AP1G1: variants seen among roughly 807,000 people sequenced by gnomAD.
The protein encoded by AP1G1 is AP-1 complex subunit gamma-1.
AP1G1 carries 7 observed loss-of-function variants against 108.3 expected under a neutral mutation model. That is an observed-to-expected ratio of 0.06 (90% confidence interval 0.04 to 0.12). AP1G1 has a LOEUF of 0.12. Ranked by LOEUF, AP1G1 falls within the 10% of genes least tolerant of loss-of-function variation. AP1G1 has a pLI of 1.00. For missense variants in AP1G1, 756 were observed against 1,010.7 expected (o/e 0.75, Z 3.42); for synonymous variants, 379 against 353.5 (o/e 1.07, Z -0.81).
At chr16:71,785,769 C>T (rs967270020) in intron 2 of AP1G1, among the ~76,000 whole-genome samples, 1 of 151,926 alleles carries the variant, frequency 6.6e-6, no homozygotes, top group East Asian at 1.9e-4. Context: ...GTAGTCCCAG[C>T]TACTAGGGAG....
At chr16:71,742,542 G>GT (rs1234941198) in intron 19 of AP1G1, 2 of 152,150 alleles carry the variant, frequency 1.3e-5, no homozygotes, top group African/African-American at 4.8e-5. Flanking sequence ...ATCTTATGGA[G>GT]TAAGTATTAA....
At chr16:71,762,269 A>C (rs1409165423) in intron 9 of AP1G1, among the ~76,000 whole-genome samples, 2 of 152,172 alleles carry the variant, frequency 1.3e-5, no homozygotes, top group Non-Finnish European at 2.9e-5. Context: ...AAAAGGATAA[A>C]AACTGAACAA....
chr16:71,800,656 C>G (rs1341819890), intron 1 of AP1G1, among the ~76,000 whole-genome samples: 1 of 151,626 alleles, frequency 6.6e-6, no homozygotes, highest in African/African-American at 2.4e-5. Flanking sequence ...AGAACATTAG[C>G]CAGGCGTGGT....
chr16:71,808,588 G>A (rs1220533743), intron 1 of AP1G1, 175 bp downstream of exon 1: 1 of 1,289,266 alleles, frequency 7.8e-7, no homozygotes, highest in Admixed American at 2.3e-5. Context: ...TCCAGAAGTC[G>A]GAGCAGCCCC....
intron 2 of AP1G1, among the ~76,000 whole-genome samples, chr16:71,787,475 C>G (rs1035505919): frequency 6.6e-6 from 1 of 152,072 alleles, no homozygotes; most frequent in Non-Finnish European, 1.5e-5. Context: ...AGAGCAAGAC[C>G]CTGCCTCTAA....
In AP1G1 at chr16:71,753,898, C is replaced by A; in HGVS notation, c.1230-11G>T. On this transcript the variant is annotated splice_polypyrimidine_tract_variant and intron_variant, in intron 12 of 22. Coordinates refer to ENST00000299980, the MANE Select transcript of AP1G1 (RefSeq NM_001128.6). ...TTGGAAGGTGCATACCTGAAAAAAA[C>A]AATGGAAAGGGACACTTGGAACCAG... is the stretch of plus-strand genomic sequence containing the variant. 2 of 1,613,252 alleles carry A rather than the reference C, an allele frequency of 1.2e-6. No homozygotes were observed. The highest frequency in any genetic ancestry group is 1.7e-6 in the Non-Finnish European group (2 of 1,179,470).
At chr16:71,789,169 A>C (rs890238496) in intron 2 of AP1G1, 110 bp downstream of exon 2, 93 of 989,234 alleles carry the variant, frequency 9.4e-5, no homozygotes, top group South Asian at 8.2e-4. Context: ...TTCCACAATG[A>C]TCAGACTACA....
intron 2 of AP1G1, among the ~76,000 whole-genome samples, chr16:71,774,799 C>T (rs2031713122): frequency 6.6e-6 from 1 of 152,006 alleles, no homozygotes; most frequent in Non-Finnish European, 1.5e-5. Context: ...CGGCTCACTG[C>T]AACCTCTGCC....
chr16:71,757,735 G>A (rs755799452), intron 11 of AP1G1, among the ~76,000 whole-genome samples: 3 of 152,122 alleles, frequency 2.0e-5, no homozygotes, highest in African/African-American at 4.8e-5. Context: ...AGCTCTTACT[G>A]TTATATATCC....
chr16:71,794,959 A>C (rs2032535557), intron 1 of AP1G1, among the ~76,000 whole-genome samples: 1 of 151,002 alleles, frequency 6.6e-6, no homozygotes, highest in Admixed American at 6.7e-5. Context: ...ATAAGAATAC[A>C]AACTTGATAA....
chr16:71,777,416 G>A (rs144552388), intron 2 of AP1G1, among the ~76,000 whole-genome samples: 181 of 152,250 alleles, frequency 1.2e-3, no homozygotes, highest in Non-Finnish European at 2.0e-3. Flanking sequence ...AACAATGGTA[G>A]AGTGAGGGTG....
At chr16:71,768,936 A>AG (rs1555554359) in intron 6 of AP1G1, among the ~76,000 whole-genome samples, 28 of 121,374 alleles carry the variant, frequency 2.3e-4, no homozygotes, top group South Asian at 4.7e-4. Context: ...AAAAAAAAAA[A>AG]AAAAGAAAAG....
chr16:71,807,473 G>A (rs1489225694), intron 1 of AP1G1, among the ~76,000 whole-genome samples: 1 of 152,178 alleles, frequency 6.6e-6, no homozygotes, highest in Non-Finnish European at 1.5e-5. Context: ...TTTTATTCAA[G>A]CATGCTAGAC....
intron 2 of AP1G1, among the ~76,000 whole-genome samples, chr16:71,784,001 C>T (rs1414738249): frequency 1.3e-5 from 2 of 152,080 alleles, no homozygotes; most frequent in African/African-American, 4.8e-5. Flanking sequence ...CAAAAGGTTA[C>T]ACACACTACA....
chr16:71,785,676 T>G (rs1406376940), intron 2 of AP1G1, among the ~76,000 whole-genome samples: 1 of 148,856 alleles, frequency 6.7e-6, no homozygotes, highest in African/African-American at 2.5e-5. Flanking sequence ...CGAGGTCAGA[T>G]CGAGACCACC....
chr16:71,737,909 G>A (rs1256961298), intron 21 of AP1G1, among the ~76,000 whole-genome samples: 1 of 152,242 alleles, frequency 6.6e-6, no homozygotes, highest in Non-Finnish European at 1.5e-5. Context: ...TCATTTACAT[G>A]TCATCTACAG....
intron 2 of AP1G1, among the ~76,000 whole-genome samples, chr16:71,786,197 C>G (rs943413785): frequency 2.0e-5 from 3 of 152,056 alleles, no homozygotes; most frequent in Non-Finnish European, 4.4e-5. Flanking sequence ...CAAAATACCC[C>G]CAAATGCCAC....
intron 2 of AP1G1, among the ~76,000 whole-genome samples, chr16:71,777,443 G>A (rs762799123): frequency 1.6e-4 from 25 of 152,188 alleles, no homozygotes; most frequent in Non-Finnish European, 2.8e-4. Context: ...TCAGTGTCTG[G>A]GAGAGGTGGA....
chr16:71,739,365 A>G, intron 19 of AP1G1, 24 bp from the exon 20 acceptor site: 1 of 1,540,006 alleles, frequency 6.5e-7, no homozygotes, highest in East Asian at 2.4e-5. Context: ...TTTAATGGAA[A>G]GTTAACCTTA....
Sources: gnomAD v4.1 joint callset for allele counts (sites outside exome capture counted in the v4.1 genomes callset) on GRCh38, gnomAD v4.1.1 for gene constraint, MANE v1.5 for transcripts, NCBI Gene and HGNC (gene_info 2026-07-23, HGNC 2026-07-21) for gene names.